Variants in RB1 observed in about 807,000 individuals in gnomAD.
RB1 encodes RB transcriptional corepressor 1, also known as retinoblastoma-associated protein.
Under a neutral mutation model 135.4 loss-of-function variants are expected in RB1, and 18 were observed. The observed-to-expected ratio is 0.13, with a 90% confidence interval of 0.09 to 0.20. The LOEUF is 0.20. Ranked by LOEUF, RB1 falls within the 10% of genes least tolerant of loss-of-function variation. The pLI is 1.00. For synonymous variants in RB1, 365 were observed against 373.2 expected (o/e 0.98, Z 0.25); for missense variants, 868 against 1,110.0 (o/e 0.78, Z 3.10).
chr13:48,476,592 G>T, intron 24 of RB1, 109 bp from the exon 25 acceptor site: 1 of 1,152,874 alleles, frequency 8.7e-7, no homozygotes. Flanking sequence ...TTTAAATGAA[G>T]TTATTACCTT....
chr13:48,346,082 A>G (rs1593436325), intron 4 of RB1, among the ~76,000 whole-genome samples: 1 of 134,938 alleles, frequency 7.4e-6, no homozygotes, highest in Non-Finnish European at 1.6e-5. Flanking sequence ...TAATTGTAAT[A>G]TGGTAGCATT....
chr13:48,342,511 G>A, intron 2 of RB1, 88 bp from the exon 3 acceptor site: 2 of 845,040 alleles, frequency 2.4e-6, no homozygotes, highest in Non-Finnish European at 4.0e-6. Context: ...TGCTGAATAA[G>A]AAAAAATCAG....
rs1593443486 is a variant in RB1, at chr13:48,360,027, A to G, written c.618A>G (p.Leu206=). 3.1e-6 allele frequency: 5 copies of G among 1,612,252 alleles called. No homozygotes were observed. In the East Asian group the frequency reaches 1.1e-4, roughly 36 times the overall value. The change falls in exon 7 of 27, where the codon TTA becomes TTG. Residue 206 remains leucine, a synonymous_variant. Transcript: ENST00000267163. ...ACATTTTTTTTTCAGGGGAAGTATTACAAATGGAAGATGATCTGGTGATTT... is the reference window on the plus strand; with the variant it reads ...ACATTTTTTTTTCAGGGGAAGTATTGCAAATGGAAGATGATCTGGTGATTT... The part of the protein sequence containing the change: ...ITFLLAKGEV[L]QMEDDLVISF...
intron 2 of RB1, among the ~76,000 whole-genome samples, chr13:48,331,719 A>T (rs1952338430): frequency 6.6e-6 from 1 of 152,218 alleles, no homozygotes; most frequent in Non-Finnish European, 1.5e-5. Context: ...AAACTACCAC[A>T]TGATTCAGCA....
intron 17 of RB1, among the ~76,000 whole-genome samples, chr13:48,398,301 A>G (rs938911644): frequency 6.6e-6 from 1 of 152,122 alleles, no homozygotes; most frequent in Admixed American, 6.6e-5. Context: ...TATATTCCTA[A>G]TATAGCTTTG....
intron 21 of RB1, 76 bp from the exon 22 acceptor site, chr13:48,464,922 T>C: frequency 6.9e-7 from 1 of 1,447,972 alleles, no homozygotes; most frequent in Non-Finnish European, 9.2e-7. Context: ...AATCTAAAGG[T>C]AGAAATTTTA....
chr13:48,365,635 A>T (rs1005704856), intron 9 of RB1, among the ~76,000 whole-genome samples: 8 of 152,234 alleles, frequency 5.3e-5, no homozygotes, highest in Non-Finnish European at 1.2e-4. Context: ...ACATAGTATT[A>T]GTCACTATGA....
chr13:48,358,952 A>G (rs1356192943), intron 6 of RB1, among the ~76,000 whole-genome samples: 3 of 152,136 alleles, frequency 2.0e-5, no homozygotes, highest in African/African-American at 4.8e-5. Flanking sequence ...TATTGCAGAC[A>G]TATTTTTTGC....
chr13:48,481,344 T>A lies in RB1; in HGVS notation c.*1273T>A, dbSNP rs1404586773. On this transcript the variant is annotated 3_prime_UTR_variant, in exon 27 of 27. Transcript: ENST00000267163. Reference sequence around the variant, plus strand: ...ACAGCTGCATTAGAAAAAGAGGCGCTTCTCCCCTCCCCTACACCTAAAGGT... The same window carrying A: ...ACAGCTGCATTAGAAAAAGAGGCGCATCTCCCCTCCCCTACACCTAAAGGT... 1 of 231,436 alleles carries A rather than the reference T, an allele frequency of 4.3e-6. No homozygotes were observed. Among genetic ancestry groups the A allele is most frequent in the Non-Finnish European group, 8.5e-6 (1 of 117,024 alleles). The allele number at this position is 231,436 out of a possible 1,614,324, so 14.3% of individuals were successfully genotyped here.
chr13:48,449,700 G>A (rs187034827), intron 17 of RB1, among the ~76,000 whole-genome samples: 242 of 152,196 alleles, frequency 1.6e-3, no homozygotes, highest in African/African-American at 5.5e-3. Context: ...CTCCAGCACG[G>A]GTGACAGAGC....
intron 13 of RB1, among the ~76,000 whole-genome samples, chr13:48,377,376 T>A (rs1952838358): frequency 6.6e-6 from 1 of 152,178 alleles, no homozygotes; most frequent in African/African-American, 2.4e-5. Flanking sequence ...CTAATGTGAA[T>A]GGGACTATAC....
At chr13:48,434,299 A>G (rs920428031) in intron 17 of RB1, among the ~76,000 whole-genome samples, 1 of 152,068 alleles carries the variant, frequency 6.6e-6, no homozygotes. Context: ...AAATAAATAA[A>G]TAAAATTATT....
At chr13:48,426,359 A>ACT (rs1472457252) in intron 17 of RB1, among the ~76,000 whole-genome samples, 1 of 152,240 alleles carries the variant, frequency 6.6e-6, no homozygotes, top group Non-Finnish European at 1.5e-5. Flanking sequence ...TCTGTCAGAT[A>ACT]AAGAAGTGAT....
intron 23 of RB1, among the ~76,000 whole-genome samples, chr13:48,471,582 A>AAAAAG (rs1431010235): frequency 7.3e-5 from 11 of 150,274 alleles, no homozygotes; most frequent in Admixed American, 7.3e-4. Context: ...ATAAAAAAAA[A>AAAAAG]AAAAAGAAAA....
rs1555293837 is a variant in RB1 at position 48,456,254 on chromosome 13, T to C, written c.1865T>C (p.Val622Ala). 6.2e-7 allele frequency: 1 copy of C among 1,614,108 alleles called. No individual in the cohort carries two copies. The highest frequency in any genetic ancestry group is 8.5e-7 in the Non-Finnish European group (1 of 1,180,046). Residue 622 changes from valine to alanine, a missense_variant, in exon 19 of 27, where the codon GTA (valine) becomes GCA (alanine). Val to Ala is a moderately conservative substitution (Grantham distance 64, BLOSUM62 0). Coordinates refer to ENST00000267163, the MANE Select transcript of RB1 (RefSeq NM_000321.3). The stretch of plus-strand genomic sequence containing the variant: ...AAGAAAAAAGGTTCAACTACGCGTG[T>C]AAATTCTACTGCAAATGCAGAGACA... ...SPKKKGSTTRVNSTANAETQA... is the reference protein window; with the variant it reads ...SPKKKGSTTRANSTANAETQA...
chr13:48,457,008 A>G (rs939855226), intron 19 of RB1, among the ~76,000 whole-genome samples: 2 of 152,200 alleles, frequency 1.3e-5, no homozygotes, highest in Non-Finnish European at 2.9e-5. Context: ...ATGGCGAGCA[A>G]GGGGCATGTT....
chr13:48,418,159 C>G (rs985137834), intron 17 of RB1, among the ~76,000 whole-genome samples: 3 of 152,114 alleles, frequency 2.0e-5, no homozygotes, highest in East Asian at 1.9e-4. Flanking sequence ...CAAAGGGAAG[C>G]CCATCAGACT....
At chr13:48,471,606 A>G (rs2138352364) in intron 23 of RB1, among the ~76,000 whole-genome samples, 1 of 149,838 alleles carries the variant, frequency 6.7e-6, no homozygotes, top group Middle Eastern at 3.4e-3. Flanking sequence ...ATTTACTTGG[A>G]TGGGTTTACA....
chr13:48,307,543 T>G lies in RB1; in HGVS notation c.264+137T>G, dbSNP rs1200994106. On this transcript the variant is annotated intron_variant, in intron 2 of 26. Transcript: ENST00000267163. ...TAATAATTCCATTACCCAGAGGAAA[T>G]TTACCTCTGCTAACATTAAAAATGT... 4 of 938,866 alleles carry G rather than the reference T, an allele frequency of 4.3e-6. 1 individual carries two copies. Among genetic ancestry groups the G allele is most frequent in the Non-Finnish European group, 6.3e-6 (4 of 630,396 alleles). The allele number at this position is 938,866 out of a possible 1,614,324, so 58.2% of individuals were successfully genotyped here.
Sources: gnomAD v4.1 joint callset for allele counts (sites outside exome capture counted in the v4.1 genomes callset) on GRCh38, gnomAD v4.1.1 for gene constraint, MANE v1.5 for transcripts, NCBI Gene and HGNC (gene_info 2026-07-23, HGNC 2026-07-21) for gene names.